Variants in SAMMSON observed in about 807,000 individuals in gnomAD.
SAMMSON encodes the protein survival associated mitochondrial melanoma specific oncogenic non-coding RNA, also known as long intergenic non-protein coding RNA 1212.
intron 4 of SAMMSON, among the ~76,000 whole-genome samples, chr3:70,242,892 G>C (rs983777621): frequency 6.6e-6 from 1 of 152,090 alleles, no homozygotes; most frequent in African/African-American, 2.4e-5. Flanking sequence ...CCAGGGAGGG[G>C]TTTGGTGGCA....
intron 2 of SAMMSON, among the ~76,000 whole-genome samples, chr3:70,398,681 A>C (rs1190692514): frequency 6.6e-6 from 1 of 152,154 alleles, no homozygotes; most frequent in Non-Finnish European, 1.5e-5. Flanking sequence ...ATGTCCTGTA[A>C]ATTTTGTACT....
intron 7 of SAMMSON, among the ~76,000 whole-genome samples, chr3:70,331,236 T>TGCA (rs1443906156): frequency 6.6e-6 from 1 of 152,190 alleles, no homozygotes; most frequent in African/African-American, 2.4e-5. Flanking sequence ...TTCTCTCCAA[T>TGCA]GCATGATTTC....
chr3:70,001,884 C>T (rs1465328364), intron 1 of SAMMSON, among the ~76,000 whole-genome samples: 1 of 152,184 alleles, frequency 6.6e-6, no homozygotes. Context: ...TAGCCGATTC[C>T]TGTTCTGCTC....
intron 3 of SAMMSON, among the ~76,000 whole-genome samples, chr3:70,034,072 C>G (rs1162637047): frequency 6.6e-6 from 1 of 152,020 alleles, no homozygotes; most frequent in Admixed American, 6.6e-5. Context: ...AAGTTATTAA[C>G]TTTTGTACTG....
chr3:70,152,284 C>A (rs2067574996), intron 4 of SAMMSON, among the ~76,000 whole-genome samples: 1 of 151,930 alleles, frequency 6.6e-6, no homozygotes, highest in Non-Finnish European at 1.5e-5. Context: ...TGAGCATTGA[C>A]AGTCCCTAAA....
intron 6 of SAMMSON, among the ~76,000 whole-genome samples, chr3:70,270,297 C>T (rs1328043633): frequency 6.6e-6 from 1 of 152,074 alleles, no homozygotes; most frequent in Admixed American, 6.6e-5. Flanking sequence ...TATTTCAAAG[C>T]ATGGGAAATA....
intron 7 of SAMMSON, among the ~76,000 whole-genome samples, chr3:70,314,563 G>T (rs1032113746): frequency 6.6e-6 from 1 of 152,050 alleles, no homozygotes; most frequent in African/African-American, 2.4e-5. Flanking sequence ...CAACACAAGA[G>T]ATAAAGGAAA....
intron 2 of SAMMSON, among the ~76,000 whole-genome samples, chr3:70,401,959 A>G (rs916178504): frequency 6.6e-6 from 1 of 152,170 alleles, no homozygotes; most frequent in Non-Finnish European, 1.5e-5. Context: ...ACATTTCTTT[A>G]GTATGTCTTC....
chr3:70,300,717 C>T (rs1335606190), intron 7 of SAMMSON, among the ~76,000 whole-genome samples: 1 of 152,058 alleles, frequency 6.6e-6, no homozygotes. Flanking sequence ...GTACATTCTT[C>T]TGTCATAGAA....
intron 4 of SAMMSON, among the ~76,000 whole-genome samples, chr3:70,122,004 C>T (rs1416724951): frequency 6.6e-6 from 1 of 151,976 alleles, no homozygotes; most frequent in Non-Finnish European, 1.5e-5. Flanking sequence ...TCTCGACAGA[C>T]CTGGGATATA....
chr3:70,427,633 G>T (rs1029438786), intron 2 of SAMMSON, among the ~76,000 whole-genome samples: 1 of 151,940 alleles, frequency 6.6e-6, no homozygotes, highest in South Asian at 2.1e-4. Flanking sequence ...AGCTACTTGG[G>T]AGGCTGAGGC....
At chr3:70,277,880 G>A (rs1702042636) in intron 6 of SAMMSON, among the ~76,000 whole-genome samples, 1 of 152,146 alleles carries the variant, frequency 6.6e-6, no homozygotes, top group African/African-American at 2.4e-5. Context: ...GTGGAACTCA[G>A]TCTTAATCAG....
rs1559551124 is a variant in SAMMSON, at chr3:70,274,094, C to CATGTGTGT, written n.675-17085_675-17084insATGTGTGT. Among the ~76,000 whole-genome samples, 27 of 51,254 alleles carry CATGTGTGT rather than the reference C, an allele frequency of 5.3e-4. No individual in the cohort carries two copies. The East Asian group carries it at 6.9e-3, about 13-fold the overall frequency. 33.6% of individuals were successfully genotyped at this position (51,254 alleles called of 152,430 possible). On this transcript the variant is annotated intron_variant and non_coding_transcript_variant, in intron 6 of 9. Coordinates refer to ENST00000642114, the Ensembl canonical transcript of SAMMSON. ...GTGTGTGTGTGTGTGTGTGTGTGCG[C>CATGTGTGT]GCGCGCATGTGTGTGTGTGAGACTG...
At chr3:70,396,424 C>T (rs1314348574) in intron 2 of SAMMSON, among the ~76,000 whole-genome samples, 6 of 152,146 alleles carry the variant, frequency 3.9e-5, no homozygotes, top group Non-Finnish European at 7.3e-5. Context: ...GTGATTATTG[C>T]AGGGGTCCAC....
rs548837483 is a variant in SAMMSON at position 70,301,812 on chromosome 3, T to G, written n.739+10569T>G. Among the ~76,000 whole-genome samples, 3 of 152,230 alleles carry G rather than the reference T, an allele frequency of 2.0e-5. 1 individual carries two copies. Among genetic ancestry groups the G allele is most frequent in the African/African-American group, 7.2e-5 (3 of 41,576 alleles). On this transcript the variant is annotated intron_variant and non_coding_transcript_variant, in intron 7 of 9. Coordinates refer to ENST00000642114, the Ensembl canonical transcript of SAMMSON. ...TATTGAACATAAATATTAGCAGATA[T>G]ATTTTGGTAACTCTACAGGAAGTTT...
intron 4 of SAMMSON, among the ~76,000 whole-genome samples, chr3:70,229,276 G>T (rs1701536965): frequency 6.6e-6 from 1 of 152,224 alleles, no homozygotes; most frequent in Admixed American, 6.5e-5. Flanking sequence ...GTGTGTGAAA[G>T]AATTTAGTGG....
intron 6 of SAMMSON, among the ~76,000 whole-genome samples, chr3:70,289,714 G>C (rs528816994): frequency 2.6e-5 from 4 of 152,066 alleles, no homozygotes; most frequent in Admixed American, 2.6e-4. Flanking sequence ...ACCTAGATTT[G>C]GTCTTTTCAC....
At chr3:70,164,852 T>A (rs753001087) in intron 4 of SAMMSON, among the ~76,000 whole-genome samples, 42 of 152,128 alleles carry the variant, frequency 2.8e-4, no homozygotes, top group Admixed American at 5.2e-4. Flanking sequence ...GTTATTTGAG[T>A]TTCACATAAA....
At chr3:70,171,511 T>G (rs752642951) in intron 4 of SAMMSON, among the ~76,000 whole-genome samples, 10 of 151,848 alleles carry the variant, frequency 6.6e-5, no homozygotes, top group Non-Finnish European at 1.5e-4. Flanking sequence ...ATTTTCAAAA[T>G]GAGCACTGCA....
Sources: gnomAD v4.1 joint callset for allele counts (sites outside exome capture counted in the v4.1 genomes callset) on GRCh38, gnomAD v4.1.1 for gene constraint, MANE v1.5 for transcripts, NCBI Gene and HGNC (gene_info 2026-07-23, HGNC 2026-07-21) for gene names.